The following GFRA1 variants were observed in gnomAD, a reference collection of about 807,000 sequenced individuals.
GFRA1 encodes the protein GDNF family receptor alpha 1.
In GFRA1, 16 loss-of-function variants were observed where a neutral mutation model predicts 51.6. The observed-to-expected ratio is 0.31, with a 90% CI of 0.21 to 0.47. GFRA1 has a LOEUF of 0.47. Among genes scored for constraint, GFRA1 ranks in the 20% least tolerant of loss-of-function variants. The pLI is 1.00. For missense variants in GFRA1, 530 were observed against 594.3 expected, an observed-to-expected ratio of 0.89 and a Z score of 1.13; for synonymous variants, 270 against 241.3, an observed-to-expected ratio of 1.12 and a Z score of -1.10.
chr10:116,119,673 G>C (rs1957564609), intron 6 of GFRA1, among the ~76,000 whole-genome samples: 1 of 152,198 alleles, frequency 6.6e-6, no homozygotes, highest in Non-Finnish European at 1.5e-5. Flanking sequence ...TTTTGACTCA[G>C]GAATTTAAGC....
chr10:116,183,824 C>T lies in GFRA1; in HGVS notation c.433+27807G>A, dbSNP rs568363882. On this transcript the variant is annotated intron_variant, in intron 5 of 10. Transcript: ENST00000355422. ...CTGATCCCAACTTCCGTCTAAGCTCCTGAAGGCTGAGAGAGTGTTTGGTCC... is the reference window on the plus strand; with the variant it reads ...CTGATCCCAACTTCCGTCTAAGCTCTTGAAGGCTGAGAGAGTGTTTGGTCC... Among the ~76,000 whole-genome samples the T allele has an allele frequency of 3.3e-5, 5 of 152,362 alleles. No individual in the cohort carries two copies. The South Asian group carries it at 6.2e-4, about 19-fold the overall frequency.
chr10:116,232,625 G>A (rs1966754399), intron 4 of GFRA1, among the ~76,000 whole-genome samples: 1 of 152,176 alleles, frequency 6.6e-6, no homozygotes, highest in Non-Finnish European at 1.5e-5. Flanking sequence ...GGCATAGATA[G>A]AGAGAAAAGG....
upstream of GFRA1, among the ~76,000 whole-genome samples, chr10:116,273,710 A>T (rs1844119532): frequency 6.6e-6 from 1 of 151,512 alleles, no homozygotes; most frequent in African/African-American, 2.4e-5. Flanking sequence ...ACACACACAG[A>T]CACACACACA....
At chr10:116,094,670 G>A (rs1462554220) in intron 7 of GFRA1, among the ~76,000 whole-genome samples, 1 of 152,198 alleles carries the variant, frequency 6.6e-6, no homozygotes, top group Non-Finnish European at 1.5e-5. Context: ...GTGGTCAGTA[G>A]TCCGCAGGGT....
intron 5 of GFRA1, among the ~76,000 whole-genome samples, chr10:116,164,198 C>T (rs1205618106): frequency 1.3e-5 from 2 of 152,156 alleles, no homozygotes; most frequent in Non-Finnish European, 2.9e-5. Flanking sequence ...GGCCTTCATA[C>T]CCGAACTCCT....
chr10:116,089,117 G>T (rs1956224591), intron 9 of GFRA1, among the ~76,000 whole-genome samples: 1 of 152,044 alleles, frequency 6.6e-6, no homozygotes, highest in African/African-American at 2.4e-5. Flanking sequence ...CGCAGACCTG[G>T]ATTAACCCCA....
chr10:116,068,455 G>A (rs886824764), intron 9 of GFRA1, among the ~76,000 whole-genome samples: 1 of 152,138 alleles, frequency 6.6e-6, no homozygotes, highest in Non-Finnish European at 1.5e-5. Context: ...AGAGTGTGTC[G>A]GCTGTCTAGA....
intron 5 of GFRA1, among the ~76,000 whole-genome samples, chr10:116,196,556 T>C (rs925498395): frequency 1.1e-5 from 1 of 87,554 alleles, no homozygotes; most frequent in African/African-American, 4.0e-5. Flanking sequence ...TATTTTTATA[T>C]ATACTATATA....
intron 5 of GFRA1, among the ~76,000 whole-genome samples, chr10:116,180,379 C>G (rs949950325): frequency 2.0e-5 from 3 of 152,188 alleles, no homozygotes; most frequent in Non-Finnish European, 4.4e-5. Flanking sequence ...TCTATGCTCC[C>G]TGACACATAT....
intron 4 of GFRA1, among the ~76,000 whole-genome samples, chr10:116,213,562 T>C (rs1172448642): frequency 6.6e-6 from 1 of 152,214 alleles, no homozygotes; most frequent in Non-Finnish European, 1.5e-5. Flanking sequence ...ACAACCCAAA[T>C]TTTAAAACTA....
At chr10:116,181,130 T>C (rs974389397) in intron 5 of GFRA1, among the ~76,000 whole-genome samples, 1 of 152,194 alleles carries the variant, frequency 6.6e-6, no homozygotes, top group African/African-American at 2.4e-5. Flanking sequence ...TACAAAGATG[T>C]TATTATTCTT....
At chr10:116,125,579 G>C in intron 5 of GFRA1, 22 bp from the exon 6 acceptor site, 1 of 1,587,360 alleles carries the variant, frequency 6.3e-7, no homozygotes, top group Non-Finnish European at 8.6e-7. Context: ...GAGAAAGACA[G>C]GCATGGTCAC....
intron 5 of GFRA1, 35 bp downstream of exon 5, chr10:116,211,596 C>A: frequency 6.5e-7 from 1 of 1,538,922 alleles, no homozygotes; most frequent in Non-Finnish European, 8.8e-7. Context: ...AAGAGCACAG[C>A]CAGTGAAAAA....
chr10:116,226,397 C>T (rs1303041242), intron 4 of GFRA1, among the ~76,000 whole-genome samples: 1 of 152,180 alleles, frequency 6.6e-6, no homozygotes, highest in African/African-American at 2.4e-5. Context: ...AAAGATGAGG[C>T]TGAGATGATA....
intron 5 of GFRA1, among the ~76,000 whole-genome samples, chr10:116,140,432 G>A (rs1190310626): frequency 6.6e-6 from 1 of 152,202 alleles, no homozygotes; most frequent in Admixed American, 6.5e-5. Flanking sequence ...AGTTCTATTT[G>A]ATAGTATAAG....
At chr10:116,126,052 C>A (rs1957860434) in intron 5 of GFRA1, among the ~76,000 whole-genome samples, 1 of 152,014 alleles carries the variant, frequency 6.6e-6, no homozygotes, top group Non-Finnish European at 1.5e-5. Context: ...TTATTTGAGC[C>A]CAGAAGACAA....
chr10:116,193,943 G>A (rs937693348), intron 5 of GFRA1, among the ~76,000 whole-genome samples: 2 of 151,852 alleles, frequency 1.3e-5, no homozygotes, highest in Non-Finnish European at 2.9e-5. Context: ...GGAGACTGAG[G>A]CAAGAGAATG....
rs1956682810 is a variant in GFRA1 at position 116,098,249 on chromosome 10, G to A, written c.771-1485C>T. Among the ~76,000 whole-genome samples the A allele has an allele frequency of 2.0e-5, 3 of 152,256 alleles. No individual in the cohort carries two copies. In the South Asian group the frequency reaches 6.2e-4, roughly 32 times the overall value. On this transcript the variant is annotated intron_variant, in intron 6 of 10. Transcript: ENST00000355422. ...ACAGGGCCATGTGCCGAAGCTAAGTGCTTTGGCAAAATCCTGCGAATGTGG... is the reference window on the plus strand; with the variant it reads ...ACAGGGCCATGTGCCGAAGCTAAGTACTTTGGCAAAATCCTGCGAATGTGG...
chr10:116,080,631 G>A (rs555796936), intron 9 of GFRA1, among the ~76,000 whole-genome samples: 1 of 152,226 alleles, frequency 6.6e-6, no homozygotes, highest in Non-Finnish European at 1.5e-5. Context: ...GTTCCTGAGA[G>A]ATAACCTCTA....
Sources: gnomAD v4.1 joint callset for allele counts (sites outside exome capture counted in the v4.1 genomes callset) on GRCh38, gnomAD v4.1.1 for gene constraint, MANE v1.5 for transcripts, NCBI Gene and HGNC (gene_info 2026-07-23, HGNC 2026-07-21) for gene names.